CWC27: variants seen among roughly 807,000 people sequenced by gnomAD.
CWC27 encodes spliceosome-associated protein CWC27 homolog.
In CWC27, 47 loss-of-function variants were observed where a neutral mutation model predicts 63.6. The observed-to-expected ratio is 0.74, with a 90% CI of 0.58 to 0.94. The LOEUF (loss-of-function observed/expected upper bound fraction) is 0.94. Among genes scored for constraint, CWC27 ranks in the 40% least tolerant of loss-of-function variants. The pLI, the probability that CWC27 is intolerant of heterozygous loss-of-function variation, is 0.00. For missense variants in CWC27, 495 were observed against 554.3 expected (o/e 0.89, Z 1.07); for synonymous variants, 175 against 179.8 (o/e 0.97, Z 0.22).
At chr5:64,809,360 A>G (rs2112225239) in intron 10 of CWC27, among the ~76,000 whole-genome samples, 1 of 152,208 alleles carries the variant, frequency 6.6e-6, no homozygotes, top group Non-Finnish European at 1.5e-5. Context: ...CATGCATTAC[A>G]AAGCTTATTC....
intron 13 of CWC27, among the ~76,000 whole-genome samples, chr5:64,992,681 G>T (rs955503438): frequency 6.8e-6 from 1 of 146,874 alleles, no homozygotes; most frequent in South Asian, 2.2e-4. Context: ...ACAGGCGCCC[G>T]CCACCACGCC....
At chr5:64,894,102 G>A (rs897121545) in intron 11 of CWC27, among the ~76,000 whole-genome samples, 2 of 151,870 alleles carry the variant, frequency 1.3e-5, no homozygotes, top group African/African-American at 4.8e-5. Flanking sequence ...GCTATTTTTT[G>A]TATTTTTAGT....
In CWC27 at chr5:64,807,919, T is replaced by C. The variant is rs1283752327; in HGVS notation, c.938+3533T>C. The C allele has an allele frequency of 5.6e-6, 8 of 1,437,220 alleles. No homozygotes were observed. The African/African-American group carries it at 7.2e-5, about 13-fold the overall frequency. 89.0% of individuals were successfully genotyped at this position (1,437,220 alleles called of 1,614,324 possible). A position where few individuals can be genotyped will look rare whatever the true frequency, so the allele number is the denominator to read the frequency against. On this transcript the variant is annotated intron_variant, in intron 10 of 13. Coordinates refer to ENST00000381070, the MANE Select transcript of CWC27 (RefSeq NM_005869.4). The stretch of plus-strand genomic sequence containing the variant: ...TACCTCCTTCCTATTTATTTCTAAA[T>C]ACATATCATCTAGCTTCTCACCTAC...
intron 11 of CWC27, among the ~76,000 whole-genome samples, chr5:64,892,730 C>T (rs985183573): frequency 1.3e-5 from 2 of 151,438 alleles, no homozygotes; most frequent in East Asian, 1.9e-4. Context: ...ATGTAAAGAC[C>T]GTACAAATGC....
chr5:64,919,550 C>T (rs1325458408), intron 11 of CWC27, among the ~76,000 whole-genome samples: 1 of 152,174 alleles, frequency 6.6e-6, no homozygotes, highest in African/African-American at 2.4e-5. Flanking sequence ...TTGTTCTCGT[C>T]TTTGTGGCCA....
intron 11 of CWC27, among the ~76,000 whole-genome samples, chr5:64,893,229 G>T (rs1747283863): frequency 6.6e-6 from 1 of 152,208 alleles, no homozygotes; most frequent in African/African-American, 2.4e-5. Context: ...CTGCTGTCAA[G>T]ACCTTATTTT....
chr5:64,878,333 A>G (rs1040761718), intron 10 of CWC27, among the ~76,000 whole-genome samples: 7 of 151,698 alleles, frequency 4.6e-5, no homozygotes, highest in Non-Finnish European at 5.9e-5. Context: ...GTGTCATTTT[A>G]TCATTAATTT....
Position 64,868,202 on chromosome 5 carries a change from C to A in CWC27, c.939-17241C>A, listed in dbSNP as rs188764439. On this transcript the variant is annotated intron_variant, in intron 10 of 13. Transcript: ENST00000381070. ...TAACCCACATATAAGAAAAGTCGTT[C>A]TGAAAACTCTATGCTAACTGCAACA... 3.3e-5 allele frequency among the ~76,000 whole-genome samples: 5 copies of A among 152,130 alleles called. No homozygotes were observed. In the East Asian group the frequency reaches 7.7e-4, roughly 24 times the overall value.
intron 10 of CWC27, among the ~76,000 whole-genome samples, chr5:64,862,654 G>T (rs1321358332): frequency 6.6e-6 from 1 of 152,068 alleles, no homozygotes; most frequent in Admixed American, 6.6e-5. Context: ...TTTATAGCTT[G>T]TCTGTATATG....
chr5:64,925,609 T>G (rs377180419), intron 11 of CWC27, among the ~76,000 whole-genome samples: 1 of 152,154 alleles, frequency 6.6e-6, no homozygotes, highest in Non-Finnish European at 1.5e-5. Flanking sequence ...AAGCCAAAGA[T>G]AGAGGCAGCA....
At chr5:64,900,308 T>A (rs1387629525) in intron 11 of CWC27, among the ~76,000 whole-genome samples, 1 of 152,230 alleles carries the variant, frequency 6.6e-6, no homozygotes, top group Non-Finnish European at 1.5e-5. Flanking sequence ...ATTTAATTAA[T>A]AATGATGTTG....
chr5:64,995,103 T>C (rs1225497503), intron 13 of CWC27, among the ~76,000 whole-genome samples: 3 of 151,160 alleles, frequency 2.0e-5, no homozygotes, highest in African/African-American at 4.9e-5. Flanking sequence ...TCCCGAGTAG[T>C]TGGGACTACA....
intron 11 of CWC27, among the ~76,000 whole-genome samples, chr5:64,942,294 G>A (rs1748498490): frequency 6.6e-6 from 1 of 151,812 alleles, no homozygotes; most frequent in East Asian, 1.9e-4. Context: ...GCCGGGCATG[G>A]TGGTATGCAC....
At chr5:65,005,529 A>G (rs536231837) in intron 13 of CWC27, among the ~76,000 whole-genome samples, 9 of 151,902 alleles carry the variant, frequency 5.9e-5, no homozygotes, top group Admixed American at 2.0e-4. Flanking sequence ...CCCAGACCCC[A>G]GATAATGTGT....
At chr5:64,967,276 T>C (rs1030352401) in intron 11 of CWC27, among the ~76,000 whole-genome samples, 1 of 152,006 alleles carries the variant, frequency 6.6e-6, no homozygotes, top group Admixed American at 6.6e-5. Flanking sequence ...CAAAAGGATG[T>C]ATTATAGACC....
chr5:64,995,490 T>C (rs1490504537), intron 13 of CWC27, among the ~76,000 whole-genome samples: 1 of 152,228 alleles, frequency 6.6e-6, no homozygotes, highest in African/African-American at 2.4e-5. Flanking sequence ...AGTAGTATTT[T>C]CATGCTTTTT....
rs771898756 is a variant in CWC27, at chr5:64,801,289, AT to A, written c.750-5del. The A allele has an allele frequency of 9.8e-5, 138 of 1,411,494 alleles. No homozygotes were observed. Among genetic ancestry groups the A allele is most frequent in the Admixed American group, 3.5e-4 (15 of 42,622 alleles). 87.4% of individuals were successfully genotyped at this position (1,411,494 alleles called of 1,614,324 possible). On this transcript the variant is annotated splice_polypyrimidine_tract_variant and intron_variant, in intron 8 of 13. Transcript: ENST00000381070. Reference sequence around the variant, plus strand: ...CTTGAAACTAAAATTTGTTTTGCTTATTTTTTTTATAGTGAAAAAGGTGATG... The same window carrying A: ...CTTGAAACTAAAATTTGTTTTGCTTATTTTTTTATAGTGAAAAAGGTGATG...
chr5:64,886,878 T>C (rs1747083522), intron 11 of CWC27, among the ~76,000 whole-genome samples: 2 of 152,106 alleles, frequency 1.3e-5, no homozygotes, highest in East Asian at 3.9e-4. Context: ...TAACCCAGAA[T>C]AGAAACAGTA....
chr5:64,914,083 G>T (rs1471358131), intron 11 of CWC27, among the ~76,000 whole-genome samples: 2 of 152,018 alleles, frequency 1.3e-5, no homozygotes, highest in African/African-American at 4.8e-5. Flanking sequence ...TTTCCATGAT[G>T]GTGCTGGAAT....
Sources: gnomAD v4.1 joint callset for allele counts (sites outside exome capture counted in the v4.1 genomes callset) on GRCh38, gnomAD v4.1.1 for gene constraint, MANE v1.5 for transcripts, NCBI Gene and HGNC (gene_info 2026-07-23, HGNC 2026-07-21) for gene names.